Variants in FAM120B observed in about 807,000 individuals in gnomAD.
FAM120B encodes the protein family with sequence similarity 120 member B.
FAM120B carries 83 observed loss-of-function variants against 96.3 expected under a neutral mutation model. That is an observed-to-expected ratio of 0.86 (90% CI 0.72 to 1.03). The LOEUF is 1.03. Ranked by LOEUF, FAM120B falls within the 50% of genes least tolerant of loss-of-function variation. The pLI is 0.00. For missense variants in FAM120B, 1,027 were observed against 1,121.2 expected, an observed-to-expected ratio of 0.92 and a Z score of 1.20; for synonymous variants, 407 against 402.7, an observed-to-expected ratio of 1.01 and a Z score of -0.13.
chr6:170,324,426 C>T (rs959016730), intron 3 of FAM120B, among the ~76,000 whole-genome samples: 5 of 152,150 alleles, frequency 3.3e-5, no homozygotes, highest in African/African-American at 9.7e-5. Context: ...TGGAGCCAAA[C>T]GATATTTAAA....
intron 6 of FAM120B, among the ~76,000 whole-genome samples, chr6:170,359,965 C>G (rs529778884): frequency 8.1e-4 from 123 of 152,302 alleles, no homozygotes; most frequent in South Asian, 2.7e-3. Context: ...CCTGGCCTCC[C>G]TCCTGGGCCC....
intron 9 of FAM120B, among the ~76,000 whole-genome samples, chr6:170,396,663 T>C (rs1429259192): frequency 6.6e-6 from 1 of 152,190 alleles, no homozygotes; most frequent in Non-Finnish European, 1.5e-5. Flanking sequence ...TTTCATGGTC[T>C]CTACTACAGT....
intron 6 of FAM120B, among the ~76,000 whole-genome samples, chr6:170,365,969 G>T (rs1788766568): frequency 6.6e-6 from 1 of 152,160 alleles, no homozygotes; most frequent in Admixed American, 6.5e-5. Context: ...ATGCAAAGGG[G>T]ACAGAGCAGG....
chr6:170,400,556 G>T (rs972287115), intron 9 of FAM120B, among the ~76,000 whole-genome samples: 6 of 152,148 alleles, frequency 3.9e-5, no homozygotes, highest in African/African-American at 1.4e-4. Context: ...CTGGACCACT[G>T]GGCTGCTCCC....
At chr6:170,398,575 C>A (rs13203930) in intron 9 of FAM120B, among the ~76,000 whole-genome samples, 1 of 101,070 alleles carries the variant, frequency 9.9e-6, no homozygotes, top group Non-Finnish European at 1.9e-5. Flanking sequence ...ATGTCATAAG[C>A]CTTAGGAGTG....
chr6:170,307,160 ACTCC>A (rs1562510070), intron 1 of FAM120B, among the ~76,000 whole-genome samples: 1 of 151,252 alleles, frequency 6.6e-6, no homozygotes, highest in Non-Finnish European at 1.5e-5. Flanking sequence ...TCTGACCCCT[ACTCC>A]CTCCCTTAAG....
chr6:170,299,845 C>T (rs758840416), intron 1 of FAM120B, among the ~76,000 whole-genome samples: 3 of 152,212 alleles, frequency 2.0e-5, no homozygotes, highest in Non-Finnish European at 4.4e-5. Context: ...CTCCTTCTTT[C>T]TGCTCTGACA....
chr6:170,346,559 C>T (rs1787203686), intron 4 of FAM120B, among the ~76,000 whole-genome samples: 1 of 152,058 alleles, frequency 6.6e-6, no homozygotes, highest in African/African-American at 2.4e-5. Flanking sequence ...CTTTGCAGGC[C>T]ACATGGTCTC....
chr6:170,313,637 G>T (rs970630775), intron 1 of FAM120B, among the ~76,000 whole-genome samples: 3 of 152,194 alleles, frequency 2.0e-5, no homozygotes, highest in African/African-American at 7.2e-5. Context: ...TCTGTGCAAA[G>T]ATTATGGTTT....
At position 170,402,041 on chromosome 6, in the gene FAM120B, C is replaced by G. The variant is rs531483834; in HGVS notation, c.2693-2509C>G. Among the ~76,000 whole-genome samples the G allele has an allele frequency of 2.0e-5, 3 of 152,370 alleles. No homozygotes were observed. In the East Asian group the frequency reaches 5.8e-4, roughly 29 times the overall value. On this transcript the variant is annotated intron_variant, in intron 9 of 10. Transcript: ENST00000476287. ...GCCCTGGGCTCTGTGGGCCCTGCAC[C>G]CTGCGTGTCCCACGCTTCAGTCCCT...
chr6:170,348,718 T>C (rs1438781020), intron 5 of FAM120B, among the ~76,000 whole-genome samples: 1 of 152,198 alleles, frequency 6.6e-6, no homozygotes, highest in Non-Finnish European at 1.5e-5. Flanking sequence ...AGACCTAGCT[T>C]CTCGTAGCTC....
intron 1 of FAM120B, among the ~76,000 whole-genome samples, chr6:170,296,148 C>T (rs1229558448): frequency 1.3e-5 from 2 of 152,136 alleles, no homozygotes; most frequent in Non-Finnish European, 2.9e-5. Context: ...CGGGCCCGCC[C>T]CGTGCGAACC....
Position 170,387,230 on chromosome 6 carries a change from C to G in FAM120B, c.2284-1057C>G, listed in dbSNP as rs76743392. On this transcript the variant is annotated intron_variant, in intron 6 of 10. Coordinates refer to ENST00000476287, the MANE Select transcript of FAM120B (RefSeq NM_032448.3). The stretch of plus-strand genomic sequence containing the variant: ...TGCAACAAAAATCATTTTGATTAAA[C>G]CTAGATTAACTCTCGGATAATCTCA... Among the ~76,000 whole-genome samples, 424 of 152,300 alleles carry G rather than the reference C, an allele frequency of 2.8e-3. 1 individual carries two copies. The highest frequency in any genetic ancestry group is 9.7e-3 in the African/African-American group (402 of 41,560).
At chr6:170,357,670 A>G (rs375276128) in intron 5 of FAM120B, among the ~76,000 whole-genome samples, 3 of 152,168 alleles carry the variant, frequency 2.0e-5, no homozygotes, top group East Asian at 1.9e-4. Flanking sequence ...GCTCTGTGCA[A>G]TTTGTCCCAA....
chr6:170,366,975 T>C (rs1271350123), intron 6 of FAM120B, among the ~76,000 whole-genome samples: 2 of 152,176 alleles, frequency 1.3e-5, no homozygotes. Flanking sequence ...AACATGCTCA[T>C]TGCATCTGAG....
intron 6 of FAM120B, among the ~76,000 whole-genome samples, chr6:170,385,171 A>G (rs1790118239): frequency 6.6e-6 from 1 of 152,228 alleles, no homozygotes; most frequent in Non-Finnish European, 1.5e-5. Flanking sequence ...AGAAATCAGT[A>G]ATAACAATAA....
chr6:170,372,876 C>T (rs1583284546), intron 6 of FAM120B, among the ~76,000 whole-genome samples: 1 of 152,188 alleles, frequency 6.6e-6, no homozygotes, highest in Non-Finnish European at 1.5e-5. Context: ...CAAAGAAAAT[C>T]AGTTTATTTT....
chr6:170,378,230 A>C (rs1340823578), intron 6 of FAM120B, among the ~76,000 whole-genome samples: 3 of 152,168 alleles, frequency 2.0e-5, no homozygotes, highest in African/African-American at 4.8e-5. Context: ...ATTAATCTTT[A>C]GCATACCCAG....
intron 8 of FAM120B, among the ~76,000 whole-genome samples, chr6:170,391,594 A>G (rs973336166): frequency 6.6e-6 from 1 of 152,134 alleles, no homozygotes; most frequent in Non-Finnish European, 1.5e-5. Context: ...CCAGCAGGAA[A>G]ATTTCTCAGA....
Sources: gnomAD v4.1 joint callset for allele counts (sites outside exome capture counted in the v4.1 genomes callset) on GRCh38, gnomAD v4.1.1 for gene constraint, MANE v1.5 for transcripts, NCBI Gene and HGNC (gene_info 2026-07-23, HGNC 2026-07-21) for gene names.